The following PRKCD variants were observed in gnomAD, a reference collection of about 807,000 sequenced individuals.
PRKCD encodes protein kinase C delta type.
In PRKCD, 20 loss-of-function variants were observed where a neutral mutation model predicts 82.2. The observed-to-expected ratio is 0.24, with a 90% CI of 0.17 to 0.35. The LOEUF (loss-of-function observed/expected upper bound fraction) is 0.35. PRKCD is among the 10% of genes least tolerant of loss of function. The pLI is 1.00. For synonymous variants in PRKCD, 317 were observed against 337.0 expected (o/e 0.94, Z 0.65); for missense variants, 607 against 899.0 (o/e 0.68, Z 4.15).
At chr3:53,167,598 G>T (rs576008672) in intron 2 of PRKCD, among the ~76,000 whole-genome samples, 5 of 152,324 alleles carry the variant, frequency 3.3e-5, no homozygotes, top group African/African-American at 1.2e-4. Context: ...GAGGTTGTGC[G>T]GAAATGACAG....
In PRKCD at chr3:53,189,869, G is replaced by A. The variant is rs1553670420; in HGVS notation, c.1744-4G>A. Reference sequence around the variant, plus strand: ...TGCTAACCAGGGTCCCTGCTGGGTTGCAGCTCTTTGAAAGGGAACCAACCA... The same window carrying A: ...TGCTAACCAGGGTCCCTGCTGGGTTACAGCTCTTTGAAAGGGAACCAACCA... On this transcript the variant is annotated splice_polypyrimidine_tract_variant and splice_region_variant and intron_variant, in intron 17 of 18. Transcript: ENST00000330452. 2.5e-6 allele frequency: 4 copies of A among 1,614,102 alleles called. No homozygotes were observed. The highest frequency in any genetic ancestry group is 3.3e-5 in the Admixed American group (2 of 60,010).
intron 3 of PRKCD, 107 bp from the exon 4 acceptor site, chr3:53,179,470 T>G (rs782069498): frequency 1.4e-6 from 2 of 1,460,798 alleles, no homozygotes; most frequent in Non-Finnish European, 1.9e-6. Context: ...CAGCAGGCCC[T>G]CAAGGCAGGA....
At chr3:53,179,449 C>A in intron 3 of PRKCD, 128 bp from the exon 4 acceptor site, 1 of 1,242,278 alleles carries the variant, frequency 8.0e-7, no homozygotes, top group Non-Finnish European at 1.2e-6. Context: ...CTAGAGGACA[C>A]TGGGGAACCA....
At chr3:53,166,444 G>A (rs1225129202) in intron 2 of PRKCD, among the ~76,000 whole-genome samples, 8 of 152,178 alleles carry the variant, frequency 5.3e-5, no homozygotes, top group African/African-American at 1.2e-4. Flanking sequence ...AGACATATGC[G>A]TGCTCACACA....
intron 10 of PRKCD, 113 bp downstream of exon 10, chr3:53,185,087 C>A: frequency 1.1e-6 from 1 of 929,056 alleles, no homozygotes; most frequent in Non-Finnish European, 1.7e-6. Flanking sequence ...AGACCCAGGA[C>A]TCTACTTCGG....
At chr3:53,181,306 T>G in intron 5 of PRKCD, 39 bp downstream of exon 5, 1 of 1,611,516 alleles carries the variant, frequency 6.2e-7, no homozygotes, top group Non-Finnish European at 8.5e-7. Context: ...CCTTGCCGGG[T>G]TCAGAGGCAG....
At chr3:53,186,781 T>G (rs892524249) in intron 14 of PRKCD, 86 bp downstream of exon 14, 17 of 1,343,298 alleles carry the variant, frequency 1.3e-5, no homozygotes, top group Non-Finnish European at 1.8e-5. Context: ...CCTCCATGCC[T>G]TCTTCCCTCT....
At chr3:53,185,558 G>A (rs1327971717) in intron 10 of PRKCD, 46 bp from the exon 11 acceptor site, 3 of 1,532,996 alleles carry the variant, frequency 2.0e-6, no homozygotes, top group East Asian at 4.5e-5. Context: ...TGGGAGTTCT[G>A]ATAATGGTCT....
chr3:53,163,322 G>A (rs960090260), intron 1 of PRKCD, among the ~76,000 whole-genome samples: 3 of 151,818 alleles, frequency 2.0e-5, no homozygotes, highest in Non-Finnish European at 4.4e-5. Context: ...GCAGGAGGGG[G>A]TGTGACAAGG....
Position 53,192,100 on chromosome 3 carries a change from G to C in PRKCD, c.1873-8G>C. ...TCCTGTTCGCTCACCCCTGCCCTCT[G>C]CTTGTAGAAGTCACCCAGAGACTAC... is the stretch of plus-strand genomic sequence containing the variant. On this transcript the variant is annotated splice_polypyrimidine_tract_variant and splice_region_variant and intron_variant, in intron 18 of 18. Transcript: ENST00000330452. 2 of 1,613,950 alleles carry C rather than the reference G, an allele frequency of 1.2e-6. No homozygotes were observed. Among genetic ancestry groups the C allele is most frequent in the South Asian group, 2.2e-5 (2 of 91,080 alleles).
chr3:53,173,577 GTTCAAGTGA>G (rs1250005768), intron 2 of PRKCD: 3 of 152,170 alleles, frequency 2.0e-5, no homozygotes, highest in Non-Finnish European at 4.4e-5. Context: ...TACCTCCCGG[GTTCAAGTGA>G]TTCTTCTGCC....
chr3:53,186,485 C>T (rs559902185), intron 13 of PRKCD, 119 bp from the exon 14 acceptor site: 18 of 1,371,844 alleles, frequency 1.3e-5, no homozygotes, highest in East Asian at 4.6e-5. Context: ...AGGGCAGAGT[C>T]GTCCACCTCA....
intron 1 of PRKCD, among the ~76,000 whole-genome samples, chr3:53,163,378 G>T (rs988878667): frequency 5.3e-5 from 8 of 151,354 alleles, no homozygotes; most frequent in Non-Finnish European, 1.0e-4. Context: ...CCAGTGTGGG[G>T]GTGTGTGTGT....
intron 1 of PRKCD, among the ~76,000 whole-genome samples, chr3:53,164,353 G>A (rs1356347765): frequency 1.3e-5 from 2 of 152,210 alleles, no homozygotes; most frequent in East Asian, 3.8e-4. Context: ...GGGAAGCCGA[G>A]GCAGGTGGAT....
intron 13 of PRKCD, 122 bp downstream of exon 13, chr3:53,186,462 C>T: frequency 7.2e-7 from 1 of 1,395,920 alleles, no homozygotes; most frequent in Non-Finnish European, 1.0e-6. Flanking sequence ...TGCTTTCCCC[C>T]CTCATGCCTC....
chr3:53,171,020 CGT>C (rs1158150234), intron 2 of PRKCD, among the ~76,000 whole-genome samples: 4 of 152,006 alleles, frequency 2.6e-5, no homozygotes, highest in African/African-American at 9.7e-5. Context: ...CAACTGTGTG[CGT>C]GTGTGTCTAA....
intron 2 of PRKCD, among the ~76,000 whole-genome samples, chr3:53,171,777 T>G (rs1350693339): frequency 2.0e-5 from 3 of 152,178 alleles, no homozygotes; most frequent in African/African-American, 7.2e-5. Flanking sequence ...ATGAGACATA[T>G]GTTCACAGAG....
chr3:53,183,400 A>C, intron 8 of PRKCD, 52 bp from the exon 9 acceptor site: 1 of 1,608,342 alleles, frequency 6.2e-7, no homozygotes, highest in Non-Finnish European at 8.5e-7. Flanking sequence ...GGGGTTGAAG[A>C]AGAGGCTGGA....
chr3:53,171,102 G>C (rs1415540894), intron 2 of PRKCD, among the ~76,000 whole-genome samples: 1 of 152,144 alleles, frequency 6.6e-6, no homozygotes, highest in Non-Finnish European at 1.5e-5. Context: ...GTGGTTATTC[G>C]TGGAGAGGCC....
Sources: allele counts gnomAD v4.1 joint callset (sites outside exome capture counted in the v4.1 genomes callset), GRCh38; gene constraint gnomAD v4.1.1; transcripts MANE v1.5; gene names NCBI Gene and HGNC (gene_info 2026-07-23, HGNC 2026-07-21).